The following TNC variants were observed in gnomAD, a reference collection of about 807,000 sequenced individuals.
TNC encodes tenascin.
TNC carries 109 observed loss-of-function variants against 202.4 expected under a neutral mutation model. That is an observed-to-expected ratio of 0.54 (90% CI 0.46 to 0.63). TNC has a LOEUF of 0.63. TNC is among the 30% of genes least tolerant of loss of function. The pLI, the probability that TNC is intolerant of heterozygous loss-of-function variation, is 0.00. For synonymous variants in TNC, 1,007 were observed against 1,089.7 expected (o/e 0.92, Z 1.50); for missense variants, 2,756 against 2,833.3 (o/e 0.97, Z 0.62).
At chr9:115,117,480 A>T (rs1176034092) in intron 1 of TNC, among the ~76,000 whole-genome samples, 1 of 152,190 alleles carries the variant, frequency 6.6e-6, no homozygotes, top group Non-Finnish European at 1.5e-5. Context: ...TGAGGACCAA[A>T]TGAGGGAATG....
In TNC at chr9:115,090,835, A is replaced by T. The variant is rs766865534; in HGVS notation, c.184T>A (p.Ser62Thr). The change falls in exon 2 of 28, where the codon TCC (serine) becomes ACC (threonine). Residue 62 changes from serine (S) to threonine (T), a missense_variant. Around this residue, in one of 2 missense-constraint regions of TNC, gnomAD observed 2,559 missense variants for 2,546.0 expected, o/e 1.01. Transcript: ENST00000350763. ...GACTCCAGATCCACCGAACACTGGG[A>T]TCCCACTGGCAGCTTGATGTTGTAA... ...HVYNIKLPVG[S>T]QCSVDLESAS... The T allele has an allele frequency of 6.2e-7, 1 of 1,614,158 alleles. No individual in the cohort carries two copies. The highest frequency in any genetic ancestry group is 8.5e-7 in the Non-Finnish European group (1 of 1,180,008).
At chr9:115,089,820 C>T (rs1835080507) in intron 2 of TNC, among the ~76,000 whole-genome samples, 1 of 152,194 alleles carries the variant, frequency 6.6e-6, no homozygotes, top group South Asian at 2.1e-4. Flanking sequence ...TCTCTTATTG[C>T]TCTTTGTGCC....
At chr9:115,027,115 C>CA (rs760414563) in intron 25 of TNC, among the ~76,000 whole-genome samples, 1 of 6,530 alleles carries the variant, frequency 1.5e-4, no homozygotes, top group African/African-American at 6.1e-4. Context: ...TCTCAGAAAG[C>CA]AAAAAAAAAA....
chr9:115,089,738 G>C (rs1265008050), intron 2 of TNC, among the ~76,000 whole-genome samples: 2 of 152,192 alleles, frequency 1.3e-5, no homozygotes, highest in African/African-American at 4.8e-5. Context: ...AACTTCAGGT[G>C]ATCCGCCCGC....
At chr9:115,028,463 G>T (rs528178395) in intron 25 of TNC, among the ~76,000 whole-genome samples, 2 of 152,222 alleles carry the variant, frequency 1.3e-5, no homozygotes, top group African/African-American at 4.8e-5. Flanking sequence ...GGCACAGGAG[G>T]GAAGATATCA....
intron 1 of TNC, among the ~76,000 whole-genome samples, chr9:115,114,129 C>A (rs980963626): frequency 1.3e-5 from 2 of 152,140 alleles, no homozygotes; most frequent in Non-Finnish European, 2.9e-5. Context: ...TCATGTCACA[C>A]TTTGAGGGGG....
rs759870290 is a variant in TNC, at chr9:115,078,050, T to A, written c.2567A>T (p.Asn856Ile). ...CTTCAGGTTCCCGATGGAGTACTGG[T>A]TCTCGTCCTCTGTGAGATCGATGGT... ...RTTIDLTEDE[N>I]QYSIGNLKPD... Residue 856 changes from asparagine to isoleucine, a missense_variant, in exon 7 of 28, where the codon AAC becomes ATC. Around this residue, in one of 2 missense-constraint regions of TNC, gnomAD observed 2,559 missense variants for 2,546.0 expected, o/e 1.01. Coordinates refer to ENST00000350763, the MANE Select transcript of TNC (RefSeq NM_002160.4). The A allele has an allele frequency of 6.2e-7, 1 of 1,614,230 alleles. No homozygotes were observed. Among genetic ancestry groups the A allele is most frequent in the South Asian group, 1.1e-5 (1 of 91,082 alleles).
chr9:115,053,263 A>G (rs1831846822), intron 15 of TNC, among the ~76,000 whole-genome samples: 1 of 152,232 alleles, frequency 6.6e-6, no homozygotes, highest in Non-Finnish European at 1.5e-5. Context: ...CTTTTAAAGC[A>G]TAAACACCAC....
rs1014319878 is a variant in TNC, at chr9:115,063,661, A to G, written c.3760+135T>C. ...CCAAATAAGGGATGTGACATTTAGG[A>G]AGAAGCAGAGATGATTCACTGGTAT... On this transcript the variant is annotated intron_variant, in intron 12 of 27. Transcript: ENST00000350763. 7 of 1,003,618 alleles carry G rather than the reference A, an allele frequency of 7.0e-6. No individual in the cohort carries two copies. In the Admixed American group the frequency reaches 1.8e-4, roughly 26 times the overall value. The allele number at this position is 1,003,618 out of a possible 1,614,324, so 62.2% of individuals were successfully genotyped here. A position where few individuals can be genotyped will look rare whatever the true frequency, so the allele number is the denominator to read the frequency against.
intron 1 of TNC, among the ~76,000 whole-genome samples, chr9:115,093,644 G>T (rs1835397899): frequency 6.7e-6 from 1 of 149,896 alleles, no homozygotes. Flanking sequence ...TTTTAGAAAG[G>T]GCCATGGGCC....
intron 4 of TNC, 57 bp from the exon 5 acceptor site, chr9:115,082,864 C>T (rs1006676646): frequency 1.0e-4 from 123 of 1,212,094 alleles, no homozygotes; most frequent in Non-Finnish European, 9.9e-5. Flanking sequence ...GATTGGGCAA[C>T]GCGGCCACGA....
At position 115,030,261 on chromosome 9, in the gene TNC, C is replaced by G. The variant is rs1829845488; in HGVS notation, c.6065G>C (p.Gly2022Ala). Residue 2022 changes from glycine to alanine, a missense_variant, in exon 24 of 28, where the codon GGA becomes GCA. Physicochemically the swap from Gly to Ala is moderately conservative, Grantham distance 60. Transcript: ENST00000350763. ...GTCCCTGGTGGTACTCACAATCCAT[C>G]CACCCCCATCAGAGGTCATGTCACA... ...VFCDMTSDGG[G>A]WIVFLRRKNG... 1 of 1,610,014 alleles carries G rather than the reference C, an allele frequency of 6.2e-7. No homozygotes were observed. Among genetic ancestry groups the G allele is most frequent in the African/African-American group, 1.3e-5 (1 of 74,838 alleles).
Position 115,021,176 on chromosome 9 carries a change from C to T in TNC, c.6587G>A (p.Gly2196Asp). 1.2e-6 allele frequency: 2 copies of T among 1,613,844 alleles called. No individual in the cohort carries two copies. ...TGGAATTTATGCCCGTTTGCGCCTG[C>T]CTTCAAGATTTCTGAAGTTGCTTGG... ...LRPSNFRNLE[G>D]RRKRA Residue 2196 changes from glycine (G) to aspartate (D), a missense_variant, in exon 28 of 28, where the codon GGC becomes GAC. Gly to Asp is a moderately conservative substitution (Grantham distance 94). Coordinates refer to ENST00000350763, the MANE Select transcript of TNC (RefSeq NM_002160.4).
chr9:115,085,037 A>G lies in TNC; in HGVS notation c.1868-565T>C, dbSNP rs1588158457. 2.6e-5 allele frequency among the ~76,000 whole-genome samples: 4 copies of G among 152,166 alleles called. No individual in the cohort carries two copies. In the East Asian group the frequency reaches 7.7e-4, roughly 29 times the overall value. ...ATTTATTTATGTTTAGATACCAATA[A>G]CTTTAGTAAAGGAAAAAATTCTCCA... On this transcript the variant is annotated intron_variant, in intron 3 of 27. Coordinates refer to ENST00000350763, the MANE Select transcript of TNC (RefSeq NM_002160.4).
chr9:115,048,158 A>G (rs1831350952), intron 16 of TNC, 102 bp downstream of exon 16: 1 of 1,380,666 alleles, frequency 7.2e-7, no homozygotes. Context: ...TGGATTAAGT[A>G]GGGAATGTGA....
chr9:115,113,362 C>T (rs1166950879), intron 1 of TNC, among the ~76,000 whole-genome samples: 1 of 152,156 alleles, frequency 6.6e-6, no homozygotes, highest in Non-Finnish European at 1.5e-5. Flanking sequence ...CGTTTTCAGC[C>T]TTACATTGTG....
Position 115,076,086 on chromosome 9 carries a change from A to C in TNC, c.2896T>G (p.Ser966Ala). Residue 966 changes from serine (S) to alanine (A), a missense_variant, in exon 9 of 28, where the codon TCT becomes GCT. Physicochemically the swap from Ser to Ala is moderately conservative, Grantham distance 99. Transcript: ENST00000350763. ...CTCTCCTTGTCTTCCTTCACAGCAG[A>C]AACTCCAATCCCATATTCAGTTCCC... The part of the protein sequence containing the change: ...RPGTEYGIGV[S>A]AVKEDKESNP... The C allele has an allele frequency of 6.2e-7, 1 of 1,614,196 alleles. No individual in the cohort carries two copies. The highest frequency in any genetic ancestry group is 1.1e-5 in the South Asian group (1 of 91,090).
chr9:115,093,861 T>C (rs10817711), intron 1 of TNC, among the ~76,000 whole-genome samples: 13,893 of 152,190 alleles, frequency 0.091, 698 homozygotes, highest in Middle Eastern at 0.16. Context: ...TGTTGCATCG[T>C]TGGGGGAAAG....
In TNC at chr9:115,090,773, C is replaced by T. The variant is rs756331335; in HGVS notation, c.246G>A (p.Glu82=). ...SGEKDLAPPS[E]PSESFQEHTV... ...TGTGCTCCTGAAAGCTTTCGCTGGG[C>T]TCTGAAGGCGGTGCCAGGTCTTTCT... The change falls in exon 2 of 28, where the codon GAG becomes GAA. Residue 82 remains glutamate (E), a synonymous_variant. Coordinates refer to ENST00000350763, the MANE Select transcript of TNC (RefSeq NM_002160.4). 1 of 1,614,098 alleles carries T rather than the reference C, an allele frequency of 6.2e-7. No homozygotes were observed. The highest frequency in any genetic ancestry group is 8.5e-7 in the Non-Finnish European group (1 of 1,180,040).
Sources: gnomAD v4.1 joint callset for allele counts (sites outside exome capture counted in the v4.1 genomes callset) on GRCh38, gnomAD v4.1.1 for gene constraint, gnomAD v4.1.1 regional missense constraint, MANE v1.5 for transcripts, NCBI Gene and HGNC (gene_info 2026-07-23, HGNC 2026-07-21) for gene names.